The following SLC11A2 variants were observed in gnomAD, a reference collection of about 807,000 sequenced individuals.
The protein encoded by SLC11A2 is natural resistance-associated macrophage protein 2.
In SLC11A2, 38 loss-of-function variants were observed where a neutral mutation model predicts 68.0. The observed-to-expected ratio is 0.56, with a 90% CI of 0.43 to 0.73. The LOEUF (loss-of-function observed/expected upper bound fraction) is 0.73. Ranked by LOEUF, SLC11A2 falls within the 30% of genes least tolerant of loss-of-function variation. The probability of loss-of-function intolerance (pLI) is 0.00; values close to 1 mark genes in which losing one functional copy is unlikely to be tolerated. For synonymous variants in SLC11A2, 242 were observed against 250.6 expected, an observed-to-expected ratio of 0.97 and a Z score of 0.32; for missense variants, 517 against 690.5, an observed-to-expected ratio of 0.75 and a Z score of 2.82.
At position 50,986,247 on chromosome 12, in the gene SLC11A2, A is replaced by G. The variant is rs1455972390; in HGVS notation, c.*2078T>C. 3.1e-6 allele frequency: 4 copies of G among 1,284,904 alleles called. No homozygotes were observed. The highest frequency in any genetic ancestry group is 4.1e-6 in the Non-Finnish European group (4 of 986,508). 79.6% of individuals were successfully genotyped at this position (1,284,904 alleles called of 1,614,324 possible). ...AACATTCCACATAAACACACTGTCA[A>G]AACTCACTGGATATGCTGGAATTGG... On this transcript the variant is annotated 3_prime_UTR_variant, in exon 16 of 16. Coordinates refer to ENST00000262052, the MANE Select transcript of SLC11A2 (RefSeq NM_000617.3).
At chr12:50,991,566 A>G in intron 14 of SLC11A2, 33 bp downstream of exon 14, 1 of 1,564,800 alleles carries the variant, frequency 6.4e-7, no homozygotes, top group Admixed American at 1.7e-5. Context: ...CCATATCAGC[A>G]TCCCCTTTGG....
At chr12:50,968,531 C>T in the SLC11A2 span, among the ~76,000 whole-genome samples, 1 of 152,012 alleles carries the variant, frequency 6.6e-6, no homozygotes, top group Admixed American at 6.6e-5. Flanking sequence ...GGACTACAGG[C>T]GTGTGCCACC....
chr12:50,986,358 T>A lies in SLC11A2; in HGVS notation c.*1967A>T. 1 of 1,281,470 alleles carries A rather than the reference T, an allele frequency of 7.8e-7. No individual in the cohort carries two copies. The highest frequency in any genetic ancestry group is 1.0e-6 in the Non-Finnish European group (1 of 983,412). 79.4% of individuals were successfully genotyped at this position (1,281,470 alleles called of 1,614,324 possible). On this transcript the variant is annotated 3_prime_UTR_variant, in exon 16 of 16. Transcript: ENST00000262052. ...TGTGAAGATCAAATGCAATAACGTA[T>A]GAGGGTATTTTTAACACTGTGAAGT...
Position 51,012,899 on chromosome 12 carries a change from C to T in SLC11A2, c.-38-2133G>A, listed in dbSNP as rs573146365. Among the ~76,000 whole-genome samples the T allele has an allele frequency of 9.8e-4, 150 of 152,318 alleles. 1 individual carries two copies. The South Asian group carries it at 0.029, about 30-fold the overall frequency. On this transcript the variant is annotated intron_variant, in intron 1 of 15. Coordinates refer to ENST00000262052, the MANE Select transcript of SLC11A2 (RefSeq NM_000617.3). Reference sequence around the variant, plus strand: ...TTCAGTCAATGACAATAGCACCTCACCTAAATGGGATTTAAATATTTGACC... The same window carrying T: ...TTCAGTCAATGACAATAGCACCTCATCTAAATGGGATTTAAATATTTGACC...
chr12:51,000,476 T>C (rs1942107392), intron 5 of SLC11A2, 57 bp from the exon 6 acceptor site: 1 of 1,387,122 alleles, frequency 7.2e-7, no homozygotes, highest in Admixed American at 1.8e-5. Context: ...AAAAAATTCC[T>C]CCACAATTTG....
the SLC11A2 span, among the ~76,000 whole-genome samples, chr12:50,957,233 CAG>C: frequency 6.7e-6 from 1 of 149,816 alleles, no homozygotes; most frequent in Non-Finnish European, 1.5e-5. Context: ...TTTTTAAAGA[CAG>C]AGTTTCCCTC....
chr12:50,976,908 G>T (rs1939855982), downstream of SLC11A2, among the ~76,000 whole-genome samples: 1 of 152,000 alleles, frequency 6.6e-6, no homozygotes, highest in Admixed American at 6.6e-5. Context: ...GCTTCAAAGA[G>T]AATAAAATAC....
chr12:50,982,355 G>T (rs532641866), downstream of SLC11A2, among the ~76,000 whole-genome samples: 1 of 152,342 alleles, frequency 6.6e-6, no homozygotes, highest in East Asian at 1.9e-4. Context: ...GCTGGGTGCG[G>T]TGGCTCACGC....
Position 50,986,826 on chromosome 12 carries a change from C to A in SLC11A2, c.*1499G>T. 2 of 1,287,118 alleles carry A rather than the reference C, an allele frequency of 1.6e-6. No homozygotes were observed. The highest frequency in any genetic ancestry group is 2.0e-6 in the Non-Finnish European group (2 of 988,668). The allele number at this position is 1,287,118 out of a possible 1,614,324, so 79.7% of individuals were successfully genotyped here. On this transcript the variant is annotated 3_prime_UTR_variant, in exon 16 of 16. Transcript: ENST00000262052. Reference sequence around the variant, plus strand: ...GTACCCTTAAATGCCTTATAAAAGACCATCCATCCAGTCTGCGCTTTTGAC... The same window carrying A: ...GTACCCTTAAATGCCTTATAAAAGAACATCCATCCAGTCTGCGCTTTTGAC...
rs1404593733 is a variant in SLC11A2 at position 50,987,124 on chromosome 12, C to A, written c.*1201G>T. The A allele has an allele frequency of 7.8e-7, 1 of 1,283,264 alleles. No homozygotes were observed. Among genetic ancestry groups the A allele is most frequent in the Non-Finnish European group, 1.0e-6 (1 of 987,088 alleles). 79.5% of individuals were successfully genotyped at this position (1,283,264 alleles called of 1,614,324 possible). A position where few individuals can be genotyped will look rare whatever the true frequency, so the allele number is the denominator to read the frequency against. Reference sequence around the variant, plus strand: ...AGCAGCAGCTTTGTGCTGAAGACACCCATTTCCTCTGACTCCAGAGCTCCA... The same window carrying A: ...AGCAGCAGCTTTGTGCTGAAGACACACATTTCCTCTGACTCCAGAGCTCCA... On this transcript the variant is annotated 3_prime_UTR_variant, in exon 16 of 16. Coordinates refer to ENST00000262052, the MANE Select transcript of SLC11A2 (RefSeq NM_000617.3).
chr12:50,999,029 G>T, intron 8 of SLC11A2, 145 bp downstream of exon 8: 1 of 674,060 alleles, frequency 1.5e-6, no homozygotes, highest in Non-Finnish European at 2.6e-6. Context: ...TTTAAAATTG[G>T]CCCAGGGAAA....
the SLC11A2 span, among the ~76,000 whole-genome samples, chr12:50,968,379 G>A: frequency 1.2e-4 from 18 of 151,786 alleles, no homozygotes; most frequent in Admixed American, 1.2e-3. Flanking sequence ...CAGTTACACT[G>A]ATTCTTTTTT....
At position 50,986,560 on chromosome 12, in the gene SLC11A2, T is replaced by C; in HGVS notation, c.*1765A>G. ...GGCAAAGATACATGTTACCATATCATCTTTATAAAGAATTTTTTTTTTGTC... is the reference window on the plus strand; with the variant it reads ...GGCAAAGATACATGTTACCATATCACCTTTATAAAGAATTTTTTTTTTGTC... On this transcript the variant is annotated 3_prime_UTR_variant, in exon 16 of 16. Coordinates refer to ENST00000262052, the MANE Select transcript of SLC11A2 (RefSeq NM_000617.3). 7.8e-7 allele frequency: 1 copy of C among 1,287,074 alleles called. No individual in the cohort carries two copies. Among genetic ancestry groups the C allele is most frequent in the Non-Finnish European group, 1.0e-6 (1 of 988,666 alleles). The allele number at this position is 1,287,074 out of a possible 1,614,324, so 79.7% of individuals were successfully genotyped here.
intron 1 of SLC11A2, among the ~76,000 whole-genome samples, chr12:51,016,777 G>A (rs1356112059): frequency 2.0e-5 from 3 of 151,010 alleles, no homozygotes; most frequent in Non-Finnish European, 4.4e-5. Flanking sequence ...AACCTGGGAG[G>A]CGGAGGTTGC....
At chr12:50,991,043 G>A (rs1404262447) in intron 14 of SLC11A2, 95 bp from the exon 15 acceptor site, 4 of 1,130,220 alleles carry the variant, frequency 3.5e-6, no homozygotes, top group Non-Finnish European at 5.4e-6. Context: ...AGTTCAAAAT[G>A]AATGGAAAAA....
At chr12:51,008,285 T>C (rs11169663) in intron 3 of SLC11A2, 191 bp downstream of exon 3, 2 of 486,336 alleles carry the variant, frequency 4.1e-6, no homozygotes, top group South Asian at 2.1e-5. Flanking sequence ...CAGACAGAGA[T>C]AGATAGATAT....
the SLC11A2 span, among the ~76,000 whole-genome samples, chr12:50,964,105 ACTT>A: frequency 1.7e-3 from 256 of 152,268 alleles, 1 homozygote; most frequent in South Asian, 0.011. Flanking sequence ...TCCTATTAAC[ACTT>A]CTTATGTTAG....
At chr12:50,981,844 C>T (rs1037101623), downstream of SLC11A2, 28 of 1,200,694 alleles carry the variant, frequency 2.3e-5, no homozygotes, top group East Asian at 1.3e-4. Context: ...CTGATTTTCA[C>T]GTATTTATTG....
chr12:50,974,022 CTGA>C, the SLC11A2 span, among the ~76,000 whole-genome samples: 1 of 151,880 alleles, frequency 6.6e-6, no homozygotes, highest in East Asian at 1.9e-4. Context: ...ATTGGTGTAC[CTGA>C]AAGTGACAGG....
Sources: allele counts gnomAD v4.1 joint callset (sites outside exome capture counted in the v4.1 genomes callset), GRCh38; gene constraint gnomAD v4.1.1; transcripts MANE v1.5; gene names NCBI Gene and HGNC (gene_info 2026-07-23, HGNC 2026-07-21).